PCBP2: variants seen among roughly 807,000 people sequenced by gnomAD.
The protein encoded by PCBP2 is poly(rC) binding protein 2.
In PCBP2, 4 loss-of-function variants were observed where a neutral mutation model predicts 50.1. That is an observed-to-expected ratio of 0.08 (90% CI 0.04 to 0.18). PCBP2 has a LOEUF of 0.18. Among genes scored for constraint, PCBP2 ranks in the 10% least tolerant of loss-of-function variants. The pLI, the probability that PCBP2 is intolerant of heterozygous loss-of-function variation, is 1.00. For synonymous variants in PCBP2, 179 were observed against 168.0 expected (o/e 1.07, Z -0.51); for missense variants, 161 against 474.3 (o/e 0.34, Z 6.14).
chr12:53,466,113 C>A, intron 10 of PCBP2, 140 bp downstream of exon 10: 1 of 747,570 alleles, frequency 1.3e-6, no homozygotes, highest in Non-Finnish European at 2.4e-6. Context: ...CAAGGTCAAT[C>A]CCATATTTTA....
intron 14 of PCBP2, among the ~76,000 whole-genome samples, chr12:53,477,582 C>T (rs1472594566): frequency 7.5e-6 from 1 of 132,650 alleles, no homozygotes; most frequent in Non-Finnish European, 1.6e-5. Flanking sequence ...AGGAGAATGG[C>T]GTGAACCTGG....
At chr12:53,453,941 ATTG>A (rs1592629696) in intron 1 of PCBP2, among the ~76,000 whole-genome samples, 1 of 152,184 alleles carries the variant, frequency 6.6e-6, no homozygotes, top group East Asian at 1.9e-4. Flanking sequence ...TTTTATTTTG[ATTG>A]TTTTCTTTGG....
chr12:53,460,247 T>G (rs1340623001), intron 6 of PCBP2: 1 of 226,212 alleles, frequency 4.4e-6, no homozygotes, highest in Non-Finnish European at 9.3e-6. Context: ...CATGTAACCC[T>G]CCTACCTCAA....
intron 11 of PCBP2, chr12:53,467,495 GAAA>G (rs946937319): frequency 4.8e-6 from 3 of 624,536 alleles, no homozygotes; most frequent in Non-Finnish European, 5.7e-6. Flanking sequence ...TATTCTAAAA[GAAA>G]AAAAAAGCCC....
Position 53,480,631 on chromosome 12 carries a change from C to CA in PCBP2, c.*1190dup, listed in dbSNP as rs1369224478. 6.6e-6 allele frequency: 1 copy of CA among 152,584 alleles called. No homozygotes were observed. The highest frequency in any genetic ancestry group is 1.5e-5 in the Non-Finnish European group (1 of 68,058). 9.5% of individuals were successfully genotyped at this position (152,584 alleles called of 1,614,324 possible). ...TTCAGCCTGAGCCATCACATGCTAT[C>CA]AGTCTCCTAACCTCCCCCTGGGCCT... On this transcript the variant is annotated 3_prime_UTR_variant, in exon 15 of 15. Transcript: ENST00000546463.
intron 14 of PCBP2, among the ~76,000 whole-genome samples, chr12:53,473,712 C>T (rs554131089): frequency 1.3e-5 from 2 of 151,680 alleles, no homozygotes; most frequent in African/African-American, 2.4e-5. Context: ...TATGCATGCA[C>T]AAAGCTTATT....
In PCBP2 at chr12:53,452,142, GCGCCCTCTCCCGCCCGCC is replaced by G. The variant is rs1405680893; in HGVS notation, c.-302_-285del. 1.0e-4 allele frequency: 15 copies of G among 144,072 alleles called. No homozygotes were observed. Among genetic ancestry groups the G allele is most frequent in the South Asian group, 1.9e-4 (1 of 5,142 alleles). 8.9% of individuals were successfully genotyped at this position (144,072 alleles called of 1,614,324 possible). ...GCAGCAGCCGGAGCAGCCGCAGCCT[GCGCCCTCTCCCGCCCGCC>G]CGCCCTCCGCCCGCCCGCCCGCCCT... On this transcript the variant is annotated 5_prime_UTR_variant, in exon 1 of 15. Coordinates refer to ENST00000546463, the MANE Select transcript of PCBP2 (RefSeq NM_031989.5).
chr12:53,473,894 CCCTTTCCTTTATGGATTGCAGCTGT>C (rs1311862494), intron 14 of PCBP2, among the ~76,000 whole-genome samples: 1 of 151,744 alleles, frequency 6.6e-6, no homozygotes, highest in Non-Finnish European at 1.5e-5. Context: ...ACTTCTGTAT[CCCTTTCCTTTATGGATTGCAGCTGT>C]CCTTGGACAT....
chr12:53,455,626 A>G (rs1355258906), intron 4 of PCBP2, 133 bp downstream of exon 4: 17 of 938,984 alleles, frequency 1.8e-5, no homozygotes, highest in Non-Finnish European at 2.5e-5. Context: ...GGTTATTTGT[A>G]GTGATAATCT....
At chr12:53,468,450 G>T in intron 12 of PCBP2, 1 of 348,180 alleles carries the variant, frequency 2.9e-6, no homozygotes, top group Non-Finnish European at 5.3e-6. Flanking sequence ...AGGGGTAGAA[G>T]TACAGAAGGA....
intron 8 of PCBP2, among the ~76,000 whole-genome samples, chr12:53,464,295 C>G (rs1294155129): frequency 6.6e-6 from 1 of 151,682 alleles, no homozygotes; most frequent in Non-Finnish European, 1.5e-5. Flanking sequence ...CTTCATACCT[C>G]TTTGCTTCCC....
intron 6 of PCBP2, 129 bp downstream of exon 6, chr12:53,459,532 G>A: frequency 3.1e-6 from 2 of 635,900 alleles, no homozygotes; most frequent in Non-Finnish European, 5.0e-6. Context: ...GGATTACAAT[G>A]TGATTGTACT....
intron 14 of PCBP2, chr12:53,474,758 C>T (rs1178644363): frequency 1.5e-5 from 5 of 339,090 alleles, no homozygotes; most frequent in Non-Finnish European, 2.9e-5. Context: ...AATTGTCAAC[C>T]AGAGGCACTT....
intron 1 of PCBP2, among the ~76,000 whole-genome samples, chr12:53,454,200 G>GTGTTA (rs1192387807): frequency 6.6e-6 from 1 of 152,140 alleles, no homozygotes; most frequent in Non-Finnish European, 1.5e-5. Context: ...AAATCATTTG[G>GTGTTA]TGTTAGCCAT....
At chr12:53,453,552 AGATATTTAGGGTATGG>A (rs1380081706) in intron 1 of PCBP2, among the ~76,000 whole-genome samples, 1 of 152,204 alleles carries the variant, frequency 6.6e-6, no homozygotes. Context: ...TAAGCACCTA[AGATATTTAGGGTATGG>A]GCTTTGTGTT....
intron 13 of PCBP2, among the ~76,000 whole-genome samples, chr12:53,471,410 TCTA>T (rs1413277113): frequency 6.6e-6 from 1 of 151,928 alleles, no homozygotes; most frequent in Non-Finnish European, 1.5e-5. Context: ...AAACCCCGTC[TCTA>T]CTAAAAATAC....
intron 1 of PCBP2, among the ~76,000 whole-genome samples, chr12:53,453,700 A>G (rs1458466630): frequency 1.3e-5 from 2 of 152,226 alleles, no homozygotes; most frequent in African/African-American, 4.8e-5. Flanking sequence ...ACATTCTACA[A>G]CTTGGGAGAG....
intron 13 of PCBP2, among the ~76,000 whole-genome samples, chr12:53,470,647 G>C (rs1050010891): frequency 8.6e-5 from 13 of 151,820 alleles, no homozygotes; most frequent in African/African-American, 3.1e-4. Context: ...GCCTGCCTCA[G>C]CCTACAGGCA....
At chr12:53,459,906 T>C (rs1315027497) in intron 6 of PCBP2, 1 of 452,036 alleles carries the variant, frequency 2.2e-6, no homozygotes, top group South Asian at 1.6e-5. Flanking sequence ...GACTGCAGGC[T>C]CCCACCACCA....
Sources: gnomAD v4.1 joint callset for allele counts (sites outside exome capture counted in the v4.1 genomes callset) on GRCh38, gnomAD v4.1.1 for gene constraint, MANE v1.5 for transcripts, NCBI Gene and HGNC (gene_info 2026-07-23, HGNC 2026-07-21) for gene names.